The following LRRK2 variants were observed in gnomAD, a reference collection of about 807,000 sequenced individuals.
The protein encoded by LRRK2 is leucine rich repeat kinase 2, also known as leucine-rich repeat serine/threonine-protein kinase 2.
In LRRK2, 203 loss-of-function variants were observed where a neutral mutation model predicts 302.6. That is an observed-to-expected ratio of 0.67 (90% confidence interval 0.60 to 0.75). The LOEUF is 0.75. LRRK2 is among the 30% of genes least tolerant of loss of function. The pLI, the probability that LRRK2 is intolerant of heterozygous loss-of-function variation, is 0.00. For missense variants in LRRK2, 2,830 were observed against 2,951.0 expected (o/e 0.96, Z 0.95); for synonymous variants, 1,066 against 1,031.9 (o/e 1.03, Z -0.63).
chr12:40,263,710 A>T (rs1438924617), intron 13 of LRRK2, 79 bp from the exon 14 acceptor site: 1 of 1,012,768 alleles, frequency 9.9e-7, no homozygotes, highest in Non-Finnish European at 1.5e-6. Context: ...AATTATGACA[A>T]TTTCTAGAAA....
Position 40,315,195 on chromosome 12 carries a change from A to C in LRRK2, c.4739-17A>C. On this transcript the variant is annotated splice_polypyrimidine_tract_variant and intron_variant, in intron 32 of 50. Transcript: ENST00000298910. ...TCTAGATTCCATGTTTCACTGTTTGATGACTTTTTACTACAGGAGTCCTTC... is the reference window on the plus strand; with the variant it reads ...TCTAGATTCCATGTTTCACTGTTTGCTGACTTTTTACTACAGGAGTCCTTC... The C allele has an allele frequency of 6.3e-7, 1 of 1,594,692 alleles. No homozygotes were observed. The highest frequency in any genetic ancestry group is 1.1e-5 in the South Asian group (1 of 90,722).
intron 14 of LRRK2, among the ~76,000 whole-genome samples, chr12:40,268,678 G>C (rs1943117464): frequency 6.6e-6 from 1 of 152,030 alleles, no homozygotes; most frequent in Admixed American, 6.6e-5. Context: ...ATACATATGA[G>C]TAATCAGGAG....
intron 14 of LRRK2, among the ~76,000 whole-genome samples, chr12:40,268,732 G>T (rs1475110499): frequency 6.6e-6 from 1 of 152,090 alleles, no homozygotes; most frequent in Non-Finnish European, 1.5e-5. Context: ...AACTCCAAAA[G>T]ATAATCAAAT....
chr12:40,345,460 T>TA (rs1592317585), intron 41 of LRRK2, among the ~76,000 whole-genome samples: 2 of 151,350 alleles, frequency 1.3e-5, no homozygotes, highest in East Asian at 3.9e-4. Flanking sequence ...CTGTCACTAC[T>TA]AAAAATACAA....
chr12:40,298,863 TTATATATATACTATATATAATACTTATTA>T (rs1261756908), intron 24 of LRRK2, among the ~76,000 whole-genome samples: 2 of 11,880 alleles, frequency 1.7e-4, no homozygotes, highest in African/African-American at 6.8e-4. Flanking sequence ...TACCTATATA[TTATATATATACTATATATAATACTTATTA>T]TATATATACT....
chr12:40,235,112 C>T (rs1354060820), intron 3 of LRRK2, among the ~76,000 whole-genome samples: 1 of 152,052 alleles, frequency 6.6e-6, no homozygotes, highest in Non-Finnish European at 1.5e-5. Flanking sequence ...GAATTATTCA[C>T]CACAATCAAG....
chr12:40,346,977 C>T, intron 42 of LRRK2, 54 bp downstream of exon 42: 1 of 1,442,426 alleles, frequency 6.9e-7, no homozygotes, highest in Non-Finnish European at 9.5e-7. Flanking sequence ...TCAGCAGCTT[C>T]ATTTTTATTT....
intron 20 of LRRK2, among the ~76,000 whole-genome samples, chr12:40,292,696 T>G (rs1944206731): frequency 6.6e-6 from 1 of 151,914 alleles, no homozygotes; most frequent in Non-Finnish European, 1.5e-5. Flanking sequence ...GATATACAGA[T>G]TTTATAATTT....
intron 20 of LRRK2, 144 bp from the exon 21 acceptor site, chr12:40,293,401 A>G: frequency 6.9e-6 from 4 of 576,242 alleles, no homozygotes. Flanking sequence ...TCTATTTTAA[A>G]GATTTTACAA....
In LRRK2 at chr12:40,252,991, A is replaced by G; in HGVS notation, c.1263A>G (p.Ala421=). The change falls in exon 11 of 51, where the codon GCA becomes GCG. Residue 421 remains alanine, a synonymous_variant. Transcript: ENST00000298910. ...AAGTTTTCCAGGCATCTGCGAATGC[A>G]TTGTCAACTCTCTTAGAACAAAATG... is the stretch of plus-strand genomic sequence containing the variant. The part of the protein sequence containing the change: ...SKEVFQASAN[A]LSTLLEQNVN... The G allele has an allele frequency of 1.2e-6, 2 of 1,612,504 alleles. No individual in the cohort carries two copies. The highest frequency in any genetic ancestry group is 1.7e-6 in the Non-Finnish European group (2 of 1,178,754).
At chr12:40,352,469 C>CTT (rs1307806388) in intron 44 of LRRK2, among the ~76,000 whole-genome samples, 4 of 104,536 alleles carry the variant, frequency 3.8e-5, no homozygotes, top group Non-Finnish European at 8.1e-5. Flanking sequence ...GTTAAACAAT[C>CTT]TTTTTTTTTT....
chr12:40,338,119 G>A (rs1218560052), intron 40 of LRRK2, among the ~76,000 whole-genome samples: 1 of 152,090 alleles, frequency 6.6e-6, no homozygotes, highest in Non-Finnish European at 1.5e-5. Flanking sequence ...AGTCTAGTAG[G>A]AGAGTCAACT....
rs1946022897 is a variant in LRRK2, at chr12:40,340,983, A to G, written c.6109+529A>G. ...TATGCATACATTTTGCTGCAGAAATATATACATGTTTGAGTACAGGGGGCT... is the reference window on the plus strand; with the variant it reads ...TATGCATACATTTTGCTGCAGAAATGTATACATGTTTGAGTACAGGGGGCT... On this transcript the variant is annotated intron_variant, in intron 41 of 50. Coordinates refer to ENST00000298910, the MANE Select transcript of LRRK2 (RefSeq NM_198578.4). Among the ~76,000 whole-genome samples the G allele has an allele frequency of 7.2e-5, 11 of 152,290 alleles. No homozygotes were observed. The South Asian group carries it at 1.9e-3, about 26-fold the overall frequency.
intron 2 of LRRK2, among the ~76,000 whole-genome samples, chr12:40,231,593 C>CAAAAAAAAAAAAAA (rs1941195782): frequency 2.6e-5 from 3 of 114,632 alleles, no homozygotes; most frequent in African/African-American, 9.4e-5. Context: ...AAAAAAAAAA[C>CAAAAAAAAAAAAAA]AAGAAAAAAA....
chr12:40,247,562 A>ATATAAATATACATATTTATACACAGATG (rs1942047515), intron 7 of LRRK2, among the ~76,000 whole-genome samples: 1 of 100,620 alleles, frequency 9.9e-6, no homozygotes, highest in Non-Finnish European at 2.5e-5. Context: ...ACACAGATGT[A>ATATAAATATACATATTTATACACAGATG]TATAAATATA....
chr12:40,276,067 T>A (rs17443670), intron 16 of LRRK2, among the ~76,000 whole-genome samples: 3,792 of 152,314 alleles, frequency 0.025, 77 homozygotes, highest in Middle Eastern at 0.051. Flanking sequence ...CTTAGATTAA[T>A]AACAACAATG....
intron 46 of LRRK2, among the ~76,000 whole-genome samples, chr12:40,357,772 C>G (rs150466623): frequency 3.7e-4 from 57 of 152,138 alleles, no homozygotes; most frequent in African/African-American, 1.3e-3. Context: ...GATCCTTTGC[C>G]AACTTTTTGT....
intron 32 of LRRK2, 54 bp downstream of exon 32, chr12:40,314,227 G>A (rs756169650): frequency 1.2e-4 from 183 of 1,525,236 alleles, no homozygotes; most frequent in African/African-American, 3.6e-4. Context: ...ACTTATAAAA[G>A]TGTTTCTGAA....
At position 40,308,578 on chromosome 12, in the gene LRRK2, C is replaced by T; in HGVS notation, c.4071C>T (p.Thr1357=). ...CCTTATTGCAGCAATTAATGAAAACCAAGAAATCAGATCTTGGAATGCAAA... is the reference window on the plus strand; with the variant it reads ...CCTTATTGCAGCAATTAATGAAAACTAAGAAATCAGATCTTGGAATGCAAA... ...KTTLLQQLMK[T]KKSDLGMQSA... Residue 1357 remains threonine (T), a synonymous_variant, in exon 29 of 51, where the codon ACC becomes ACT. Transcript: ENST00000298910. 1.9e-6 allele frequency: 3 copies of T among 1,613,930 alleles called. No homozygotes were observed. Among genetic ancestry groups the T allele is most frequent in the Non-Finnish European group, 2.5e-6 (3 of 1,179,928 alleles).
Sources: gnomAD v4.1 joint callset for allele counts (sites outside exome capture counted in the v4.1 genomes callset) on GRCh38, gnomAD v4.1.1 for gene constraint, MANE v1.5 for transcripts, NCBI Gene and HGNC (gene_info 2026-07-23, HGNC 2026-07-21) for gene names.